DCAF6: variants seen among roughly 807,000 people sequenced by gnomAD.
DCAF6 encodes the protein DDB1 and CUL4 associated factor 6.
DCAF6 carries 54 observed loss-of-function variants against 125.1 expected under a neutral mutation model. That is an observed-to-expected ratio of 0.43 (90% confidence interval 0.35 to 0.54). The LOEUF (loss-of-function observed/expected upper bound fraction) is 0.54, where lower values mean the gene tolerates loss of function less well. Ranked by LOEUF, DCAF6 falls within the 20% of genes least tolerant of loss-of-function variation. The probability of loss-of-function intolerance (pLI) is 0.01; values close to 1 mark genes in which losing one functional copy is unlikely to be tolerated. For missense variants in DCAF6, 934 were observed against 1,161.7 expected (o/e 0.80, Z 2.85); for synonymous variants, 371 against 390.4 (o/e 0.95, Z 0.58).
the DCAF6 span, chr1:167,893,885 G>A: frequency 6.2e-7 from 1 of 1,612,714 alleles, no homozygotes; most frequent in Non-Finnish European, 8.5e-7. Flanking sequence ...ACATACTTTT[G>A]TAGGGACATC....
chr1:167,913,689 T>G, the DCAF6 span, among the ~76,000 whole-genome samples: 1 of 150,834 alleles, frequency 6.6e-6, no homozygotes, highest in Admixed American at 6.6e-5. Flanking sequence ...TGGTAGTTGT[T>G]GACTGATAAA....
intron 3 of DCAF6, among the ~76,000 whole-genome samples, chr1:167,974,093 T>C (rs188644432): frequency 8.5e-5 from 13 of 152,276 alleles, no homozygotes; most frequent in Admixed American, 8.5e-4. Context: ...AGAATTGATA[T>C]CTCAGCATAA....
intron 4 of DCAF6, among the ~76,000 whole-genome samples, chr1:167,985,184 CGTGTGTGTGTGTGTGTGT>C (rs33966059): frequency 2.0e-5 from 3 of 146,944 alleles, no homozygotes; most frequent in East Asian, 2.0e-4. Context: ...CAAACCACGT[CGTGTGTGTGTGTGTGTGT>C]GTGTGTGTGG....
the DCAF6 span, among the ~76,000 whole-genome samples, chr1:167,875,411 G>T: frequency 2.0e-5 from 2 of 101,926 alleles, no homozygotes; most frequent in Admixed American, 2.0e-4. Context: ...ATAGCATCTG[G>T]CACATTGTTC....
chr1:167,991,469 T>C (rs951323832), intron 6 of DCAF6, 130 bp downstream of exon 6: 2 of 884,586 alleles, frequency 2.3e-6, no homozygotes. Flanking sequence ...ATATGGATTA[T>C]TATAAAAAAT....
chr1:167,955,328 C>A (rs2102743656), intron 2 of DCAF6, among the ~76,000 whole-genome samples: 2 of 152,256 alleles, frequency 1.3e-5, no homozygotes, highest in Middle Eastern at 3.4e-3. Flanking sequence ...TAGGTACCTG[C>A]TTAACTGTTA....
At chr1:168,044,446 G>A in intron 14 of DCAF6, 139 bp from the exon 15 acceptor site, 1 of 651,974 alleles carries the variant, frequency 1.5e-6, no homozygotes, top group Non-Finnish European at 2.8e-6. Flanking sequence ...TATAAGGAAG[G>A]GTATGCATAG....
intron 12 of DCAF6, among the ~76,000 whole-genome samples, chr1:168,035,902 A>G (rs568950944): frequency 3.8e-4 from 58 of 152,076 alleles, no homozygotes; most frequent in Admixed American, 2.2e-3. Flanking sequence ...ATCTCTCCTA[A>G]AATACAAAAA....
the DCAF6 span, among the ~76,000 whole-genome samples, chr1:167,876,790 T>G: frequency 6.6e-6 from 1 of 152,198 alleles, no homozygotes. Context: ...GGACTCAGCC[T>G]TGTGAATGCT....
upstream of DCAF6, chr1:167,935,711 G>A (rs12744853): frequency 3.2e-6 from 5 of 1,539,830 alleles, no homozygotes; most frequent in Non-Finnish European, 2.6e-6. Context: ...GTCTCGATAA[G>A]GAGCCATTCA....
chr1:167,887,803 T>C, the DCAF6 span, among the ~76,000 whole-genome samples: 2 of 151,914 alleles, frequency 1.3e-5, no homozygotes, highest in Admixed American at 1.3e-4. Flanking sequence ...CTTGATGTTA[T>C]CCCATCTGTC....
At chr1:168,061,462 ATTATTC>A (rs1335128842) in intron 17 of DCAF6, among the ~76,000 whole-genome samples, 31 of 152,236 alleles carry the variant, frequency 2.0e-4, no homozygotes, top group African/African-American at 6.7e-4. Context: ...TATTCTATGA[ATTATTC>A]TTTAGCCTGT....
chr1:168,018,191 A>G (rs896405216), intron 11 of DCAF6, among the ~76,000 whole-genome samples: 1 of 152,314 alleles, frequency 6.6e-6, no homozygotes. Context: ...TCAAATGGGA[A>G]GGGGCCTGAT....
chr1:167,921,181 A>G, the DCAF6 span, among the ~76,000 whole-genome samples: 2 of 152,168 alleles, frequency 1.3e-5, no homozygotes, highest in Admixed American at 6.5e-5. Context: ...TTATTTTTTA[A>G]AAGTATAAAT....
chr1:168,007,542 A>G (rs1224627913), intron 10 of DCAF6, among the ~76,000 whole-genome samples: 5 of 151,930 alleles, frequency 3.3e-5, no homozygotes, highest in Non-Finnish European at 7.4e-5. Context: ...AGTGACATTC[A>G]CCAGTTTAAA....
chr1:167,925,611 A>G, the DCAF6 span, among the ~76,000 whole-genome samples: 2 of 149,370 alleles, frequency 1.3e-5, no homozygotes, highest in South Asian at 4.2e-4. Flanking sequence ...CAATGGCACA[A>G]TCTCGGCTCA....
At chr1:167,896,648 A>G in the DCAF6 span, 2 of 1,613,686 alleles carry the variant, frequency 1.2e-6, no homozygotes, top group African/African-American at 1.3e-5. Flanking sequence ...CTTTGTGAAA[A>G]ATTCATCAAA....
intron 12 of DCAF6, among the ~76,000 whole-genome samples, chr1:168,032,935 C>T (rs564628736): frequency 2.6e-5 from 4 of 152,096 alleles, no homozygotes; most frequent in East Asian, 3.9e-4. Flanking sequence ...AAAGTCTGAA[C>T]GTCCTTATTA....
chr1:167,956,267 G>A (rs1381606346), intron 2 of DCAF6, among the ~76,000 whole-genome samples: 1 of 151,670 alleles, frequency 6.6e-6, no homozygotes, highest in Non-Finnish European at 1.5e-5. Flanking sequence ...AACTATTCAG[G>A]GTATCTATGT....
Sources: gnomAD v4.1 joint callset for allele counts (sites outside exome capture counted in the v4.1 genomes callset) on GRCh38, gnomAD v4.1.1 for gene constraint, MANE v1.5 for transcripts, NCBI Gene and HGNC (gene_info 2026-07-23, HGNC 2026-07-21) for gene names.